The following MIGA1 variants were observed in gnomAD, a reference collection of about 807,000 sequenced individuals.
The protein encoded by MIGA1 is family with sequence similarity 73, member A.
MIGA1 carries 58 observed loss-of-function variants against 82.0 expected under a neutral mutation model. The observed-to-expected ratio is 0.71, with a 90% confidence interval of 0.57 to 0.88. The LOEUF (loss-of-function observed/expected upper bound fraction) is 0.88, where lower values mean the gene tolerates loss of function less well. Ranked by LOEUF, MIGA1 falls within the 40% of genes least tolerant of loss-of-function variation. The pLI, the probability that MIGA1 is intolerant of heterozygous loss-of-function variation, is 0.00. For missense variants in MIGA1, 751 were observed against 749.1 expected (o/e 1.00, Z -0.03); for synonymous variants, 249 against 253.6 (o/e 0.98, Z 0.17).
At position 77,783,347 on chromosome 1, in the gene MIGA1, C is replaced by T. The variant is rs775798186; in HGVS notation, c.191C>T (p.Ser64Phe). The change falls in exon 2 of 16, where the codon TCC becomes TTC. Residue 64 changes from serine to phenylalanine, a missense_variant. Around this residue, in one of 3 missense-constraint regions of MIGA1, gnomAD observed 482 missense variants for 439.4 expected, o/e 1.10. Transcript: ENST00000370791. ...CCTCTGACTTGGTACTATTCTCTCTCCCAGGTAAATAAAAGAAGCAAACAG... is the reference window on the plus strand; with the variant it reads ...CCTCTGACTTGGTACTATTCTCTCTTCCAGGTAAATAAAAGAAGCAAACAG... The T allele has an allele frequency of 1.3e-6, 2 of 1,552,748 alleles. No individual in the cohort carries two copies. Among genetic ancestry groups the T allele is most frequent in the Non-Finnish European group, 1.8e-6 (2 of 1,136,664 alleles).
At chr1:77,855,859 C>T (rs920449420) in intron 8 of MIGA1, among the ~76,000 whole-genome samples, 2 of 152,014 alleles carry the variant, frequency 1.3e-5, no homozygotes, top group East Asian at 1.9e-4. Context: ...TTGACTTCCT[C>T]TTTACCGACG....
At chr1:77,859,580 C>T (rs775650031) in intron 10 of MIGA1, 194 bp downstream of exon 10, 22 of 524,088 alleles carry the variant, frequency 4.2e-5, no homozygotes, top group Admixed American at 1.5e-4. Flanking sequence ...ATTATCCTCT[C>T]CCATGGCTTC....
chr1:77,807,093 A>G lies in MIGA1; in HGVS notation c.629A>G (p.Tyr210Cys). The G allele has an allele frequency of 6.3e-7, 1 of 1,583,586 alleles. No homozygotes were observed. Among genetic ancestry groups the G allele is most frequent in the South Asian group, 1.1e-5 (1 of 88,434 alleles). ...CCTGTGACTACTCCAGAGAACTTAT[A>G]CTTAATGGGTAGGAATGAGATGATA... Residue 210 changes from tyrosine (Y) to cysteine (C), a missense_variant, in exon 5 of 16, where the codon TAC (tyrosine) becomes TGC (cysteine). Transcript: ENST00000370791.
At chr1:77,870,856 C>T (rs1262321280) in intron 14 of MIGA1, among the ~76,000 whole-genome samples, 17 of 151,240 alleles carry the variant, frequency 1.1e-4, no homozygotes, top group African/African-American at 2.4e-4. Context: ...CCGAGGCCGG[C>T]GGATCACTCG....
chr1:77,838,278 C>G (rs1439439613), intron 7 of MIGA1, among the ~76,000 whole-genome samples: 1 of 152,136 alleles, frequency 6.6e-6, no homozygotes, highest in African/African-American at 2.4e-5. Context: ...TTCCAGTCAC[C>G]TGCAGAATGA....
intron 7 of MIGA1, among the ~76,000 whole-genome samples, chr1:77,834,151 T>A (rs1290167839): frequency 2.6e-5 from 4 of 152,178 alleles, no homozygotes; most frequent in Non-Finnish European, 5.9e-5. Context: ...TTTTTATTAT[T>A]CCCACCACCT....
At chr1:77,822,196 T>TA (rs34393498) in intron 7 of MIGA1, among the ~76,000 whole-genome samples, 89,049 of 151,884 alleles carry the variant, frequency 0.59, 28,182 homozygotes, top group Non-Finnish European at 0.71. Context: ...ATAAAGCTGT[T>TA]AAAAAAACAC....
intron 2 of MIGA1, among the ~76,000 whole-genome samples, chr1:77,789,552 A>G (rs932363494): frequency 6.6e-6 from 1 of 152,104 alleles, no homozygotes; most frequent in Admixed American, 6.6e-5. Flanking sequence ...TAAAATAACA[A>G]GATGGTTCTG....
chr1:77,791,453 G>A (rs1408214818), intron 2 of MIGA1, among the ~76,000 whole-genome samples: 1 of 151,666 alleles, frequency 6.6e-6, no homozygotes, highest in Admixed American at 6.6e-5. Context: ...TTTACTGAGG[G>A]TCATTTAATA....
chr1:77,814,026 A>G (rs1338353590), intron 6 of MIGA1, among the ~76,000 whole-genome samples, 159 bp downstream of exon 6: 1 of 151,526 alleles, frequency 6.6e-6, no homozygotes, highest in Non-Finnish European at 1.5e-5. Flanking sequence ...AGTAATTAGG[A>G]CTATAGGGAT....
chr1:77,820,979 C>A (rs992254957), intron 7 of MIGA1, among the ~76,000 whole-genome samples: 1 of 151,790 alleles, frequency 6.6e-6, no homozygotes, highest in African/African-American at 2.4e-5. Flanking sequence ...ACTAAAAATA[C>A]AAAAATTAGC....
chr1:77,791,584 A>G (rs1207161762), intron 2 of MIGA1, among the ~76,000 whole-genome samples: 1 of 130,876 alleles, frequency 7.6e-6, no homozygotes, highest in Non-Finnish European at 1.6e-5. Context: ...TTTTTTTTTA[A>G]ACAGAGTCTT....
rs898361243 is a variant in MIGA1, at chr1:77,860,288, A to G, written c.1275+162A>G. 11 of 553,902 alleles carry G rather than the reference A, an allele frequency of 2.0e-5. No individual in the cohort carries two copies. In the African/African-American group the frequency reaches 2.1e-4, roughly 11 times the overall value. 34.3% of individuals were successfully genotyped at this position (553,902 alleles called of 1,614,324 possible). A position where few individuals can be genotyped will look rare whatever the true frequency, so the allele number is the denominator to read the frequency against. On this transcript the variant is annotated intron_variant, in intron 11 of 15. Coordinates refer to ENST00000370791, the MANE Select transcript of MIGA1 (RefSeq NM_198549.4). Reference sequence around the variant, plus strand: ...GGGTTGAACTATGTATAAAGTCCACACTATTTCAACCAAGTTGTTTCTCAT... The same window carrying G: ...GGGTTGAACTATGTATAAAGTCCACGCTATTTCAACCAAGTTGTTTCTCAT...
chr1:77,871,467 A>G (rs1162743095), intron 14 of MIGA1, among the ~76,000 whole-genome samples: 1 of 151,770 alleles, frequency 6.6e-6, no homozygotes, highest in Non-Finnish European at 1.5e-5. Flanking sequence ...GTGCCACTGC[A>G]CTCCAGCCTG....
At chr1:77,864,118 T>C in intron 13 of MIGA1, 90 bp downstream of exon 13, 2 of 1,403,054 alleles carry the variant, frequency 1.4e-6, no homozygotes, top group Admixed American at 2.4e-5. Flanking sequence ...CCCAGCACTT[T>C]GGGAGGCCAA....
At chr1:77,835,329 G>A (rs774337048) in intron 7 of MIGA1, among the ~76,000 whole-genome samples, 9 of 152,296 alleles carry the variant, frequency 5.9e-5, no homozygotes, top group Admixed American at 1.3e-4. Context: ...TGGTGTTAAT[G>A]TACTTCCAAA....
intron 4 of MIGA1, among the ~76,000 whole-genome samples, chr1:77,805,531 C>A (rs1277543212): frequency 4.5e-5 from 2 of 44,038 alleles, no homozygotes; most frequent in Non-Finnish European, 9.3e-5. Flanking sequence ...TTCTTTTTTT[C>A]TTTTCTTTTT....
At position 77,856,276 on chromosome 1, in the gene MIGA1, G is replaced by A. The variant is rs993159474; in HGVS notation, c.997-2662G>A. Among the ~76,000 whole-genome samples the A allele has an allele frequency of 9.1e-4, 139 of 152,232 alleles. 1 individual carries two copies. Among genetic ancestry groups the A allele is most frequent in the African/African-American group, 3.0e-3 (126 of 41,524 alleles). The stretch of plus-strand genomic sequence containing the variant: ...TTGTGGTGGATTATCTTTTTGATAC[G>A]TTGTTGGATTCAATTAGCTAGTGTT... On this transcript the variant is annotated intron_variant, in intron 8 of 15. Transcript: ENST00000370791.
intron 8 of MIGA1, among the ~76,000 whole-genome samples, chr1:77,856,112 G>A (rs1571002646): frequency 6.6e-6 from 1 of 152,138 alleles, no homozygotes; most frequent in African/African-American, 2.4e-5. Flanking sequence ...AGGGATGCTG[G>A]ATTTTGTCAA....
Sources: allele counts gnomAD v4.1 joint callset (sites outside exome capture counted in the v4.1 genomes callset), GRCh38; gene constraint gnomAD v4.1.1; regional missense constraint gnomAD v4.1.1; transcripts MANE v1.5; gene names NCBI Gene and HGNC (gene_info 2026-07-23, HGNC 2026-07-21).